The following ENPP1 variants were observed in gnomAD, a reference collection of about 807,000 sequenced individuals.
ENPP1 encodes ectonucleotide pyrophosphatase/phosphodiesterase 1.
Under a neutral mutation model 122.8 loss-of-function variants are expected in ENPP1, and 73 were observed. The observed-to-expected ratio is 0.59, with a 90% CI of 0.49 to 0.72. ENPP1 has a LOEUF of 0.72. Among genes scored for constraint, ENPP1 ranks in the 30% least tolerant of loss-of-function variants. The pLI, the probability that ENPP1 is intolerant of heterozygous loss-of-function variation, is 0.00. For synonymous variants in ENPP1, 367 were observed against 391.6 expected, an observed-to-expected ratio of 0.94 and a Z score of 0.74; for missense variants, 978 against 1,128.1, an observed-to-expected ratio of 0.87 and a Z score of 1.91.
intron 7 of ENPP1, among the ~76,000 whole-genome samples, chr6:131,860,139 T>A (rs1354215314): frequency 6.6e-6 from 1 of 152,192 alleles, no homozygotes; most frequent in African/African-American, 2.4e-5. Context: ...CTGCCTTTTT[T>A]ATATAGATCT....
chr6:131,843,833 A>G (rs1781771732), intron 1 of ENPP1, among the ~76,000 whole-genome samples: 1 of 151,900 alleles, frequency 6.6e-6, no homozygotes, highest in Non-Finnish European at 1.5e-5. Context: ...CATCTTTCAC[A>G]TGGGATGCCC....
intron 9 of ENPP1, among the ~76,000 whole-genome samples, chr6:131,863,469 C>A (rs1366915142): frequency 6.6e-6 from 1 of 152,044 alleles, no homozygotes; most frequent in Non-Finnish European, 1.5e-5. Flanking sequence ...GAAGGGTGAA[C>A]AGAAAATATC....
At chr6:131,834,697 AT>A (rs57629762) in intron 1 of ENPP1, among the ~76,000 whole-genome samples, 14 of 148,942 alleles carry the variant, frequency 9.4e-5, no homozygotes, top group East Asian at 7.9e-4. Context: ...CGCCCAGCTA[AT>A]TTTTTTTTTG....
chr6:131,849,789 C>T (rs1781857778), intron 2 of ENPP1, among the ~76,000 whole-genome samples: 2 of 152,058 alleles, frequency 1.3e-5, no homozygotes, highest in African/African-American at 4.8e-5. Context: ...AATCACAAAC[C>T]AGGCACATAA....
At chr6:131,836,991 C>G (rs1405120978) in intron 1 of ENPP1, among the ~76,000 whole-genome samples, 1 of 152,094 alleles carries the variant, frequency 6.6e-6, no homozygotes, top group African/African-American at 2.4e-5. Flanking sequence ...GTGACAAGTA[C>G]TACCTTATGT....
chr6:131,857,707 G>A (rs374339986), intron 6 of ENPP1, among the ~76,000 whole-genome samples: 5 of 152,114 alleles, frequency 3.3e-5, no homozygotes, highest in East Asian at 3.9e-4. Flanking sequence ...GCTAGATGAC[G>A]AGTTAGTGGG....
intron 21 of ENPP1, among the ~76,000 whole-genome samples, 157 bp downstream of exon 21, chr6:131,882,631 A>G (rs945756854): frequency 5.8e-5 from 8 of 137,000 alleles, no homozygotes; most frequent in African/African-American, 2.0e-4. Flanking sequence ...TAATATATAT[A>G]AAGTATATAT....
intron 1 of ENPP1, among the ~76,000 whole-genome samples, chr6:131,845,767 A>G (rs563616758): frequency 6.6e-6 from 1 of 152,188 alleles, no homozygotes; most frequent in Admixed American, 6.5e-5. Context: ...TTTAGAGATT[A>G]TCTTTCCATA....
intron 1 of ENPP1, among the ~76,000 whole-genome samples, chr6:131,823,646 C>G (rs1430377235): frequency 2.6e-5 from 4 of 151,862 alleles, no homozygotes; most frequent in Non-Finnish European, 4.4e-5. Context: ...AGACCCAACT[C>G]AATGTGTCCT....
At chr6:131,813,889 C>G (rs1431513504) in intron 1 of ENPP1, among the ~76,000 whole-genome samples, 1 of 152,080 alleles carries the variant, frequency 6.6e-6, no homozygotes, top group Non-Finnish European at 1.5e-5. Flanking sequence ...TTCAGGAGAG[C>G]TGGTTCGTAG....
intron 5 of ENPP1, 58 bp downstream of exon 5, chr6:131,852,293 T>C: frequency 9.8e-7 from 1 of 1,020,724 alleles, no homozygotes; most frequent in Non-Finnish European, 1.5e-6. Flanking sequence ...GCATCATTTT[T>C]TTCTTTCCAA....
At position 131,808,024 on chromosome 6, in the gene ENPP1, G is replaced by C. The variant is rs1405313437; in HGVS notation, c.-12G>C. 2.0e-6 allele frequency: 2 copies of C among 976,250 alleles called. No homozygotes were observed. The highest frequency in any genetic ancestry group is 6.5e-5 in the Admixed American group (1 of 15,478). The allele number at this position is 976,250 out of a possible 1,614,324, so 60.5% of individuals were successfully genotyped here. On this transcript the variant is annotated 5_prime_UTR_variant, in exon 1 of 25. Coordinates refer to ENST00000647893, the MANE Select transcript of ENPP1 (RefSeq NM_006208.3). The stretch of plus-strand genomic sequence containing the variant: ...GCGGCCGGGCAGCGGGGCCGGAGCG[G>C]CCGGGGCCACGATGGAGCGCGACGG...
At chr6:131,880,267 A>G (rs548024543) in intron 20 of ENPP1, among the ~76,000 whole-genome samples, 1 of 152,254 alleles carries the variant, frequency 6.6e-6, no homozygotes, top group South Asian at 2.1e-4. Flanking sequence ...GTCGTGCAGT[A>G]AAGATTCTCT....
chr6:131,864,813 T>G (rs964932403), intron 10 of ENPP1, 53 bp from the exon 11 acceptor site: 53 of 1,174,916 alleles, frequency 4.5e-5, no homozygotes, highest in Non-Finnish European at 6.7e-5. Context: ...TTTTTTCCAT[T>G]CTGTTTTTCA....
chr6:131,862,462 C>A (rs1782036860), intron 9 of ENPP1, among the ~76,000 whole-genome samples: 1 of 152,146 alleles, frequency 6.6e-6, no homozygotes, highest in Non-Finnish European at 1.5e-5. Context: ...GCAGAGCCAG[C>A]TGTGTGGGAG....
intron 6 of ENPP1, among the ~76,000 whole-genome samples, chr6:131,857,874 A>C (rs184832659): frequency 1.3e-5 from 2 of 152,342 alleles, no homozygotes; most frequent in Non-Finnish European, 2.9e-5. Context: ...CAAATGTGGC[A>C]TCGTGAGTTT....
Position 131,892,225 on chromosome 6 carries a change from A to G in ENPP1, c.*1714A>G, listed in dbSNP as rs1332899714. The G allele has an allele frequency of 6.6e-6, 1 of 152,066 alleles. No homozygotes were observed. The highest frequency in any genetic ancestry group is 1.5e-5 in the Non-Finnish European group (1 of 68,016). The allele number at this position is 152,066 out of a possible 1,614,324, so 9.4% of individuals were successfully genotyped here. A position where few individuals can be genotyped will look rare whatever the true frequency, so the allele number is the denominator to read the frequency against. On this transcript the variant is annotated 3_prime_UTR_variant, in exon 25 of 25. Transcript: ENST00000647893. Reference sequence around the variant, plus strand: ...TTTTTATTGAAACCTGGATATTTTTAGGTATTATGTTATGAGACTATGGGT... The same window carrying G: ...TTTTTATTGAAACCTGGATATTTTTGGGTATTATGTTATGAGACTATGGGT...
Position 131,895,137 on chromosome 6 carries a change from A to G in ENPP1, c.*4626A>G, listed in dbSNP as rs1334264422. The G allele has an allele frequency of 6.6e-6, 1 of 152,300 alleles. No homozygotes were observed. The highest frequency in any genetic ancestry group is 1.5e-5 in the Non-Finnish European group (1 of 68,054). 9.4% of individuals were successfully genotyped at this position (152,300 alleles called of 1,614,324 possible). On this transcript the variant is annotated 3_prime_UTR_variant, in exon 25 of 25. Transcript: ENST00000647893. ...TAAGCTAAGAAATGTGGATGTTCAAATAAAACATACGTACAGAACTCTGGC... is the reference window on the plus strand; with the variant it reads ...TAAGCTAAGAAATGTGGATGTTCAAGTAAAACATACGTACAGAACTCTGGC...
At chr6:131,864,304 A>G (rs928391553) in intron 9 of ENPP1, among the ~76,000 whole-genome samples, 14 of 152,240 alleles carry the variant, frequency 9.2e-5, no homozygotes, top group Non-Finnish European at 1.5e-4. Context: ...TTTAAATCCA[A>G]TTGCAATTTT....
Sources: allele counts gnomAD v4.1 joint callset (sites outside exome capture counted in the v4.1 genomes callset), GRCh38; gene constraint gnomAD v4.1.1; transcripts MANE v1.5; gene names NCBI Gene and HGNC (gene_info 2026-07-23, HGNC 2026-07-21).